Variants in KNL1 observed in about 807,000 individuals in gnomAD.
The protein encoded by KNL1 is outer kinetochore KNL1 complex subunit KNL1.
Under a neutral mutation model 201.3 loss-of-function variants are expected in KNL1, and 66 were observed. The observed-to-expected ratio is 0.33, with a 90% CI of 0.27 to 0.40. KNL1 has a LOEUF of 0.40. KNL1 is among the 10% of genes least tolerant of loss of function. The pLI, the probability that KNL1 is intolerant of heterozygous loss-of-function variation, is 1.00. For synonymous variants in KNL1, 895 were observed against 899.2 expected (o/e 1.00, Z 0.08); for missense variants, 2,815 against 2,690.5 (o/e 1.05, Z -1.02).
At chr15:40,606,273 T>G (rs1283157645) in intron 3 of KNL1, 120 bp from the exon 4 acceptor site, 2 of 624,424 alleles carry the variant, frequency 3.2e-6, no homozygotes, top group East Asian at 5.4e-5. Context: ...AGAATGAATT[T>G]GAGGAGTTTC....
chr15:40,609,549 T>A (rs1228172009), intron 5 of KNL1, among the ~76,000 whole-genome samples: 11 of 152,188 alleles, frequency 7.2e-5, no homozygotes. Context: ...TGAAAAGGGA[T>A]CCCTTCCTAT....
In KNL1 at chr15:40,622,900, C is replaced by A. The variant is rs200971468; in HGVS notation, c.2636C>A (p.Thr879Lys). ...GATATGGATATCACTAAGAGTTATACAATAGAAATAAACCATAGACCTTTA... is the reference window on the plus strand; with the variant it reads ...GATATGGATATCACTAAGAGTTATAAAATAGAAATAAACCATAGACCTTTA... ...KNDMDITKSY[T>K]IEINHRPLLE... The change falls in exon 10 of 26, where the codon ACA becomes AAA. Residue 879 changes from threonine to lysine, a missense_variant. Physicochemically the swap from Thr to Lys is moderately conservative, Grantham distance 78. Coordinates refer to ENST00000399668, the MANE Select transcript of KNL1 (RefSeq NM_144508.5). The A allele has an allele frequency of 1.9e-6, 3 of 1,612,302 alleles. No individual in the cohort carries two copies. Among genetic ancestry groups the A allele is most frequent in the Non-Finnish European group, 2.5e-6 (3 of 1,179,038 alleles).
chr15:40,612,757 T>G (rs1892212585), intron 7 of KNL1, among the ~76,000 whole-genome samples: 1 of 152,092 alleles, frequency 6.6e-6, no homozygotes, highest in Admixed American at 6.6e-5. Context: ...GACCTCGTGA[T>G]CCGCCCACTT....
chr15:40,649,099 A>C (rs1474193389), intron 17 of KNL1, among the ~76,000 whole-genome samples: 2 of 150,812 alleles, frequency 1.3e-5, no homozygotes, highest in African/African-American at 2.4e-5. Flanking sequence ...CGGCCTCCCA[A>C]AGTGCTGGGA....
intron 13 of KNL1, among the ~76,000 whole-genome samples, chr15:40,632,332 G>A (rs527772936): frequency 3.3e-5 from 5 of 152,018 alleles, no homozygotes; most frequent in Admixed American, 6.6e-5. Flanking sequence ...TTTTTTGTTG[G>A]GTGCCATGGC....
chr15:40,635,049 G>A (rs1028248370), intron 13 of KNL1, among the ~76,000 whole-genome samples: 40 of 134,020 alleles, frequency 3.0e-4, no homozygotes, highest in Non-Finnish European at 1.1e-4. Flanking sequence ...TCTGTTTCAG[G>A]ATTTTTTTTT....
chr15:40,596,466 C>T (rs1464636443), intron 1 of KNL1, among the ~76,000 whole-genome samples: 1 of 151,892 alleles, frequency 6.6e-6, no homozygotes, highest in Non-Finnish European at 1.5e-5. Flanking sequence ...TAAGTAGACA[C>T]GGGGTTTCAC....
intron 5 of KNL1, among the ~76,000 whole-genome samples, chr15:40,609,401 T>G (rs1892084740): frequency 6.6e-6 from 1 of 151,896 alleles, no homozygotes; most frequent in Non-Finnish European, 1.5e-5. Context: ...GGCAACAGAG[T>G]GAGACCCTGT....
At position 40,625,413 on chromosome 15, in the gene KNL1, C is replaced by G; in HGVS notation, c.5149C>G (p.Pro1717Ala). The change falls in exon 10 of 26, where the codon CCT becomes GCT. Residue 1717 changes from proline (P) to alanine (A), a missense_variant. Physicochemically the swap from Pro to Ala is conservative, Grantham distance 27 (BLOSUM62 -1). Coordinates refer to ENST00000399668, the MANE Select transcript of KNL1 (RefSeq NM_144508.5). ...TCAATATATAAATGAGGAAAATCTT[C>G]CTGTATATCCTGATGAGATCAATTC... ...PSQYINEENL[P>A]VYPDEINSSD... The G allele has an allele frequency of 6.2e-7, 1 of 1,613,786 alleles. No homozygotes were observed.
intron 13 of KNL1, among the ~76,000 whole-genome samples, chr15:40,631,642 A>G (rs1336670337): frequency 6.6e-6 from 1 of 152,118 alleles, no homozygotes; most frequent in African/African-American, 2.4e-5. Context: ...AATATCCACA[A>G]AAAAGATAGG....
intron 22 of KNL1, 75 bp from the exon 23 acceptor site, chr15:40,656,967 T>C (rs978903038): frequency 3.2e-6 from 2 of 623,674 alleles, no homozygotes; most frequent in Non-Finnish European, 5.6e-6. Context: ...TTATATAATA[T>C]AGTATTTTTC....
intron 7 of KNL1, among the ~76,000 whole-genome samples, chr15:40,614,096 C>A (rs1000070190): frequency 2.3e-5 from 3 of 131,568 alleles, no homozygotes; most frequent in Non-Finnish European, 5.0e-5. Context: ...CCACGCCTGG[C>A]CCCCCTTTTT....
At chr15:40,600,698 T>C (rs1451152645) in intron 1 of KNL1, among the ~76,000 whole-genome samples, 1 of 152,238 alleles carries the variant, frequency 6.6e-6, no homozygotes, top group East Asian at 1.9e-4. Context: ...AATGCTAATA[T>C]GGTTGAGTCA....
At chr15:40,655,745 T>A (rs1382801861) in intron 22 of KNL1, among the ~76,000 whole-genome samples, 2 of 151,622 alleles carry the variant, frequency 1.3e-5, no homozygotes, top group African/African-American at 4.9e-5. Flanking sequence ...AAACCCCGTC[T>A]CTACTAAAAA....
In KNL1 at chr15:40,620,974, A is replaced by C; in HGVS notation, c.710A>C (p.Glu237Ala). The C allele has an allele frequency of 6.2e-7, 1 of 1,605,158 alleles. No homozygotes were observed. The highest frequency in any genetic ancestry group is 8.5e-7 in the Non-Finnish European group (1 of 1,177,554). ...CSAFPDVPDK[E>A]NFEIPIYSKE... Reference sequence around the variant, plus strand: ...GCTTTTCCTGATGTGCCTGATAAAGAAAATTTTGAGATACCTATTTATTCC... The same window carrying C: ...GCTTTTCCTGATGTGCCTGATAAAGCAAATTTTGAGATACCTATTTATTCC... The change falls in exon 10 of 26, where the codon GAA becomes GCA. Residue 237 changes from glutamate to alanine, a missense_variant. Glu to Ala is a moderately radical substitution (Grantham distance 107). Coordinates refer to ENST00000399668, the MANE Select transcript of KNL1 (RefSeq NM_144508.5).
Position 40,623,192 on chromosome 15 carries a change from A to G in KNL1, c.2928A>G (p.Glu976=). ...EKERTDRPNF[E]LSQRKSLGTP... ...AAAGAACAGACAGACCTAACTTTGA[A>G]CTATCCCAAAGGAAAAGCCTAGGAA... is the stretch of plus-strand genomic sequence containing the variant. Residue 976 remains glutamate, a synonymous_variant, in exon 10 of 26, where the codon GAA becomes GAG. Coordinates refer to ENST00000399668, the MANE Select transcript of KNL1 (RefSeq NM_144508.5). The G allele has an allele frequency of 6.2e-7, 1 of 1,614,012 alleles. No homozygotes were observed. The highest frequency in any genetic ancestry group is 8.5e-7 in the Non-Finnish European group (1 of 1,179,914).
rs73394777 is a variant in KNL1, at chr15:40,635,025, C to T, written c.5682+5654C>T. On this transcript the variant is annotated intron_variant, in intron 13 of 25. Transcript: ENST00000399668. Reference sequence around the variant, plus strand: ...TATGTGGACCATGGAAAATGAGGTTCGTGGCTGTGGGCATCTGTTTCAGGA... The same window carrying T: ...TATGTGGACCATGGAAAATGAGGTTTGTGGCTGTGGGCATCTGTTTCAGGA... Among the ~76,000 whole-genome samples the T allele has an allele frequency of 5.0e-3, 748 of 150,102 alleles. 8 individuals are homozygous for T. Among genetic ancestry groups the T allele is most frequent in the African/African-American group, 0.018 (719 of 40,926 alleles).
At chr15:40,646,521 T>G (rs1893385556) in intron 16 of KNL1, among the ~76,000 whole-genome samples, 1 of 152,078 alleles carries the variant, frequency 6.6e-6, no homozygotes, top group South Asian at 2.1e-4. Flanking sequence ...TTACTTTTAT[T>G]TTTTAAGTTC....
intron 13 of KNL1, among the ~76,000 whole-genome samples, chr15:40,636,242 G>T (rs1313986737): frequency 6.6e-6 from 1 of 152,188 alleles, no homozygotes; most frequent in Admixed American, 6.5e-5. Context: ...GGAGAGGAGG[G>T]TGGCTTTACA....
Sources: gnomAD v4.1 joint callset for allele counts (sites outside exome capture counted in the v4.1 genomes callset) on GRCh38, gnomAD v4.1.1 for gene constraint, MANE v1.5 for transcripts, NCBI Gene and HGNC (gene_info 2026-07-23, HGNC 2026-07-21) for gene names.